Variants in DDX50 observed in about 807,000 individuals in gnomAD.
DDX50 encodes DExD-box helicase 50.
A neutral mutation model predicts 94.8 loss-of-function variants in DDX50; 56 were observed. The ratio of observed to expected loss-of-function variants is 0.59; its 90% CI spans 0.48 to 0.74. DDX50 has a LOEUF of 0.74. Ranked by LOEUF, DDX50 falls within the 30% of genes least tolerant of loss-of-function variation. The pLI, the probability that DDX50 is intolerant of heterozygous loss-of-function variation, is 0.00. For missense variants in DDX50, 713 were observed against 881.2 expected (o/e 0.81, Z 2.42); for synonymous variants, 264 against 295.4 (o/e 0.89, Z 1.09).
At chr10:68,933,072 T>A (rs1277407625) in intron 8 of DDX50, among the ~76,000 whole-genome samples, 1 of 129,364 alleles carries the variant, frequency 7.7e-6, no homozygotes, top group Admixed American at 7.7e-5. Flanking sequence ...TGTTTGTTTG[T>A]TTTTTTTTTT....
intron 2 of DDX50, among the ~76,000 whole-genome samples, chr10:68,909,732 G>A (rs1371338946): frequency 3.9e-5 from 6 of 152,060 alleles, no homozygotes; most frequent in Non-Finnish European, 5.9e-5. Flanking sequence ...GTGCAATCTC[G>A]GCTCACTACA....
chr10:68,941,970 T>A (rs1057318495), intron 13 of DDX50, among the ~76,000 whole-genome samples: 1 of 151,336 alleles, frequency 6.6e-6, no homozygotes, highest in African/African-American at 2.4e-5. Flanking sequence ...TATTATTTGG[T>A]AAAGATGGGA....
At position 68,939,105 on chromosome 10, in the gene DDX50, G is replaced by T. The variant is rs184285615; in HGVS notation, c.1756-1955G>T. Among the ~76,000 whole-genome samples the T allele has an allele frequency of 1.5e-3, 226 of 152,226 alleles. 4 individuals are homozygous for T. Among genetic ancestry groups the T allele is most frequent in the East Asian group, 0.011 (57 of 5,186 alleles). On this transcript the variant is annotated intron_variant, in intron 12 of 14. Transcript: ENST00000373585. ...TACCTCATATTGCATCACATCAAGA[G>T]GCATAAAATGTTAGGTTGTTCCAGT... is the stretch of plus-strand genomic sequence containing the variant.
In DDX50 at chr10:68,911,232, A is replaced by G; in HGVS notation, c.625A>G (p.Ser209Gly). 1 of 1,599,792 alleles carries G rather than the reference A, an allele frequency of 6.3e-7. No homozygotes were observed. The highest frequency in any genetic ancestry group is 8.5e-7 in the Non-Finnish European group (1 of 1,176,056). The change falls in exon 4 of 15, where the codon AGC (serine) becomes GGC (glycine). Residue 209 changes from serine (S) to glycine (G), a missense_variant. By Grantham distance (56) the Ser-to-Gly change is moderately conservative. This residue lies in a region of DDX50 where 285 missense variants were observed against 278.9 expected (regional missense o/e 1.02). Transcript: ENST00000373585. ...AAGAAATCAAGAAACAATTAAAAAA[A>G]GCCGCTCACCAAAGGTAATCGTTAT... The part of the protein sequence containing the change: ...LQRNQETIKK[S>G]RSPKVLVLAP...
At chr10:68,944,839 C>G (rs1182620128) in intron 14 of DDX50, among the ~76,000 whole-genome samples, 1 of 152,138 alleles carries the variant, frequency 6.6e-6, no homozygotes, top group Admixed American at 6.6e-5. Context: ...GCCACTGTGC[C>G]TGGCCTTTCT....
At chr10:68,921,788 A>T (rs548102747) in intron 8 of DDX50, among the ~76,000 whole-genome samples, 1 of 152,072 alleles carries the variant, frequency 6.6e-6, no homozygotes, top group South Asian at 2.1e-4. Context: ...TCTTTCCTTC[A>T]TTGTCTTAAA....
chr10:68,911,691 T>G (rs1841629404), intron 4 of DDX50: 1 of 152,596 alleles, frequency 6.6e-6, no homozygotes, highest in Non-Finnish European at 1.5e-5. Flanking sequence ...ATGTCATCCT[T>G]GTGCAGGGGT....
At chr10:68,920,071 A>T in intron 8 of DDX50, 90 bp downstream of exon 8, 1 of 1,510,258 alleles carries the variant, frequency 6.6e-7, no homozygotes, top group Non-Finnish European at 9.1e-7. Context: ...ACCAGATTTG[A>T]TAGTCATTCT....
At chr10:68,924,422 C>T (rs985094428) in intron 8 of DDX50, among the ~76,000 whole-genome samples, 2 of 152,158 alleles carry the variant, frequency 1.3e-5, no homozygotes, top group Non-Finnish European at 2.9e-5. Context: ...ACTGGGACTA[C>T]AGGCATGTGC....
chr10:68,902,308 AGAAATCAGCT>A (rs1340591054), intron 1 of DDX50, among the ~76,000 whole-genome samples: 1 of 152,182 alleles, frequency 6.6e-6, no homozygotes, highest in African/African-American at 2.4e-5. Flanking sequence ...CCTGGAAAAA[AGAAATCAGCT>A]GAAGAGGCTA....
chr10:68,908,258 C>T (rs1027600357), intron 2 of DDX50, among the ~76,000 whole-genome samples: 1 of 151,744 alleles, frequency 6.6e-6, no homozygotes, highest in African/African-American at 2.4e-5. Flanking sequence ...CCAAGACCAG[C>T]CTGACCGACA....
At chr10:68,922,850 C>G (rs1464719115) in intron 8 of DDX50, among the ~76,000 whole-genome samples, 1 of 139,800 alleles carries the variant, frequency 7.2e-6, no homozygotes, top group East Asian at 2.2e-4. Flanking sequence ...TGTAGTGGTA[C>G]AATCTCGGCT....
At chr10:68,926,030 T>C (rs907105508) in intron 8 of DDX50, among the ~76,000 whole-genome samples, 1 of 142,926 alleles carries the variant, frequency 7.0e-6, no homozygotes, top group Non-Finnish European at 1.5e-5. Context: ...AAAAAAAGAT[T>C]AGCCAGTTGT....
chr10:68,941,673 CTT>C (rs1842557037), intron 13 of DDX50, among the ~76,000 whole-genome samples: 1 of 151,546 alleles, frequency 6.6e-6, no homozygotes, highest in South Asian at 2.1e-4. Context: ...GAGTTTCACT[CTT>C]GTCGCCCAGG....
intron 8 of DDX50, among the ~76,000 whole-genome samples, chr10:68,922,739 G>A (rs1841973200): frequency 6.6e-6 from 1 of 151,932 alleles, no homozygotes; most frequent in African/African-American, 2.4e-5. Flanking sequence ...GTTACAATGA[G>A]CTGTGATCGT....
intron 12 of DDX50, 70 bp from the exon 13 acceptor site, chr10:68,940,990 T>C: frequency 6.5e-7 from 1 of 1,547,270 alleles, no homozygotes. Flanking sequence ...CTTGAAGGAT[T>C]ATAGAGTTAG....
chr10:68,901,540 C>G (rs1162596285), intron 1 of DDX50, 69 bp downstream of exon 1: 1 of 1,473,112 alleles, frequency 6.8e-7, no homozygotes, highest in Non-Finnish European at 9.2e-7. Flanking sequence ...AACTGTCTGT[C>G]CCTGATGATG....
intron 8 of DDX50, 106 bp downstream of exon 8, chr10:68,920,087 CTG>C: frequency 1.4e-6 from 2 of 1,421,146 alleles, no homozygotes; most frequent in South Asian, 2.5e-5. Flanking sequence ...ATTCTCAAAA[CTG>C]AGTTGTAAGG....
chr10:68,919,139 T>C (rs139165968), intron 7 of DDX50, among the ~76,000 whole-genome samples: 229 of 152,320 alleles, frequency 1.5e-3, no homozygotes, highest in African/African-American at 5.1e-3. Flanking sequence ...GTTTGCGTAA[T>C]GATGAAGCTG....
Sources: allele counts gnomAD v4.1 joint callset (sites outside exome capture counted in the v4.1 genomes callset), GRCh38; gene constraint gnomAD v4.1.1; regional missense constraint gnomAD v4.1.1; transcripts MANE v1.5; gene names NCBI Gene and HGNC (gene_info 2026-07-23, HGNC 2026-07-21).